FGGY: variants seen among roughly 807,000 people sequenced by gnomAD.
FGGY encodes the protein FGGY carbohydrate kinase domain-containing protein.
In FGGY, 72 loss-of-function variants were observed where a neutral mutation model predicts 71.3. The ratio of observed to expected loss-of-function variants is 1.01; its 90% CI spans 0.84 to 1.23. The LOEUF (loss-of-function observed/expected upper bound fraction) is 1.23, where lower values mean the gene tolerates loss of function less well. Among genes scored for constraint, FGGY ranks in the 50% most tolerant of loss-of-function variants. The probability of loss-of-function intolerance (pLI) is 0.00; values close to 1 mark genes in which losing one functional copy is unlikely to be tolerated. For synonymous variants in FGGY, 251 were observed against 250.3 expected, an observed-to-expected ratio of 1.00 and a Z score of -0.02; for missense variants, 668 against 682.3, an observed-to-expected ratio of 0.98 and a Z score of 0.23.
At chr1:59,625,208 C>T (rs140015091) in intron 9 of FGGY, among the ~76,000 whole-genome samples, 21 of 152,172 alleles carry the variant, frequency 1.4e-4, no homozygotes, top group East Asian at 3.9e-4. Context: ...AACTCAAGCA[C>T]GGTGTTGCTT....
chr1:59,534,482 G>A (rs1386532280), intron 7 of FGGY, among the ~76,000 whole-genome samples: 37 of 151,886 alleles, frequency 2.4e-4, no homozygotes, highest in Admixed American at 2.2e-3. Flanking sequence ...TACAGAGAAC[G>A]CCACAAAGAT....
intron 1 of FGGY, among the ~76,000 whole-genome samples, chr1:59,300,513 A>C (rs1428582634): frequency 6.6e-6 from 1 of 152,218 alleles, no homozygotes; most frequent in Non-Finnish European, 1.5e-5. Flanking sequence ...AAATGTTACC[A>C]ATCTGAATTA....
At chr1:59,743,693 G>A (rs777661641) in intron 14 of FGGY, among the ~76,000 whole-genome samples, 12 of 152,058 alleles carry the variant, frequency 7.9e-5, no homozygotes, top group African/African-American at 1.9e-4. Context: ...TGTAAAAGCC[G>A]GAGCAAGTTC....
chr1:59,559,684 G>C (rs549582055), intron 8 of FGGY, among the ~76,000 whole-genome samples: 9 of 152,076 alleles, frequency 5.9e-5, no homozygotes, highest in Non-Finnish European at 1.3e-4. Flanking sequence ...GATGAGCTTG[G>C]AGCATTTGCA....
chr1:59,633,813 G>A (rs910817892), intron 10 of FGGY, among the ~76,000 whole-genome samples: 1 of 152,118 alleles, frequency 6.6e-6, no homozygotes, highest in African/African-American at 2.4e-5. Context: ...AATGAGAAGA[G>A]GTTAGGATCA....
intron 10 of FGGY, chr1:59,626,925 A>G (rs2096862567): frequency 6.6e-6 from 1 of 152,138 alleles, no homozygotes; most frequent in African/African-American, 2.4e-5. Flanking sequence ...GGGGGTGGGT[A>G]GGAATGGGGT....
At chr1:59,635,178 T>G (rs978874884) in intron 10 of FGGY, among the ~76,000 whole-genome samples, 2 of 152,220 alleles carry the variant, frequency 1.3e-5, no homozygotes, top group African/African-American at 4.8e-5. Context: ...GTGTATTAGT[T>G]AGTTTAATGT....
chr1:59,704,911 T>G (rs1490455121), intron 14 of FGGY, among the ~76,000 whole-genome samples: 1 of 152,196 alleles, frequency 6.6e-6, no homozygotes, highest in Non-Finnish European at 1.5e-5. Context: ...ATGATGTCCC[T>G]GTGCCTTTGC....
chr1:59,312,924 A>G (rs1356020476), intron 1 of FGGY, among the ~76,000 whole-genome samples: 1 of 152,214 alleles, frequency 6.6e-6, no homozygotes, highest in Non-Finnish European at 1.5e-5. Flanking sequence ...TAAATTTAAA[A>G]GGATAGCCAA....
intron 6 of FGGY, among the ~76,000 whole-genome samples, chr1:59,481,051 C>T (rs2093448945): frequency 7.1e-6 from 1 of 140,156 alleles, no homozygotes; most frequent in African/African-American, 2.8e-5. Context: ...TTCAATAGTA[C>T]ATTATATACA....
chr1:59,530,788 T>C (rs2095121297), intron 7 of FGGY, among the ~76,000 whole-genome samples: 1 of 152,066 alleles, frequency 6.6e-6, no homozygotes, highest in Non-Finnish European at 1.5e-5. Context: ...TATGCTGAAA[T>C]AGAAGTGTGA....
At chr1:59,644,404 G>T (rs561164841) in intron 11 of FGGY, among the ~76,000 whole-genome samples, 40 of 152,290 alleles carry the variant, frequency 2.6e-4, no homozygotes, top group African/African-American at 9.1e-4. Context: ...CTAAAGAGAG[G>T]TGGAGGAGGT....
chr1:59,466,879 T>C (rs989712727), intron 6 of FGGY, among the ~76,000 whole-genome samples: 1 of 152,032 alleles, frequency 6.6e-6, no homozygotes, highest in Non-Finnish European at 1.5e-5. Flanking sequence ...TGTGGACAAA[T>C]AGGAACACTT....
At chr1:59,599,257 C>G (rs2096553288) in intron 8 of FGGY, among the ~76,000 whole-genome samples, 1 of 152,080 alleles carries the variant, frequency 6.6e-6, no homozygotes. Flanking sequence ...GCACGTGCCA[C>G]CACACCTAGC....
intron 14 of FGGY, among the ~76,000 whole-genome samples, chr1:59,693,615 G>A (rs1483364232): frequency 6.6e-6 from 1 of 152,146 alleles, no homozygotes; most frequent in Non-Finnish European, 1.5e-5. Flanking sequence ...GTGAAAGCTG[G>A]TGGTAATGGT....
chr1:59,646,845 G>A (rs1429597945), intron 11 of FGGY, among the ~76,000 whole-genome samples: 1 of 152,010 alleles, frequency 6.6e-6, no homozygotes, highest in Non-Finnish European at 1.5e-5. Context: ...ACATTCTTTG[G>A]GGAAAAAGAA....
chr1:59,438,879 C>T (rs2069101585), intron 5 of FGGY, among the ~76,000 whole-genome samples: 1 of 152,124 alleles, frequency 6.6e-6, no homozygotes, highest in South Asian at 2.1e-4. Flanking sequence ...TTCCTCAGTA[C>T]CCCTAGCTTT....
intron 6 of FGGY, among the ~76,000 whole-genome samples, chr1:59,460,682 G>T (rs2092118006): frequency 6.6e-6 from 1 of 152,182 alleles, no homozygotes; most frequent in African/African-American, 2.4e-5. Context: ...ACAGCTGGGT[G>T]CCCCTCTGGG....
intron 14 of FGGY, among the ~76,000 whole-genome samples, chr1:59,680,169 A>G (rs1014197608): frequency 1.3e-5 from 2 of 151,512 alleles, no homozygotes; most frequent in Admixed American, 6.6e-5. Flanking sequence ...CTTATTTCAC[A>G]TATGGTCCTG....
Sources: gnomAD v4.1 joint callset for allele counts (sites outside exome capture counted in the v4.1 genomes callset) on GRCh38, gnomAD v4.1.1 for gene constraint, MANE v1.5 for transcripts, NCBI Gene and HGNC (gene_info 2026-07-23, HGNC 2026-07-21) for gene names.